IKBKB-DT: variants seen among roughly 807,000 people sequenced by gnomAD.
The protein encoded by IKBKB-DT is IKBKB antisense RNA.
intron 1 of IKBKB-DT, among the ~76,000 whole-genome samples, chr8:42,267,172 T>C (rs1807384192): frequency 6.6e-6 from 1 of 151,768 alleles, no homozygotes; most frequent in Non-Finnish European, 1.5e-5. Flanking sequence ...GCCTGGCTAA[T>C]TTTTTGTATT....
Position 42,241,224 on chromosome 8 carries a change from C to CTTTTTTTTTTTTTT in IKBKB-DT, n.1530-7379_1530-7366dup, listed in dbSNP as rs773177896. Among the ~76,000 whole-genome samples the CTTTTTTTTTTTTTT allele has an allele frequency of 1.1e-3, 48 of 45,694 alleles. 17 individuals are homozygous for CTTTTTTTTTTTTTT. Among genetic ancestry groups the CTTTTTTTTTTTTTT allele is most frequent in the East Asian group, 3.0e-3 (2 of 674 alleles). The allele number at this position is 45,694 out of a possible 152,430, so 30.0% of individuals were successfully genotyped here. On this transcript the variant is annotated intron_variant and non_coding_transcript_variant, in intron 3 of 3. Coordinates refer to ENST00000518213, the Ensembl canonical transcript of IKBKB-DT. ...TTGATGCCTTTAGATATGTTGGAAT[C>CTTTTTTTTTTTTTT]TTTTTTTTTTTTTTTTTTTTTTTTT...
exon 3 of IKBKB-DT, chr8:42,263,379 A>G (rs1807317236): frequency 6.6e-6 from 1 of 152,230 alleles, no homozygotes; most frequent in Non-Finnish European, 1.5e-5. Flanking sequence ...TAGAGCAGGC[A>G]GGGTGTCCCA....
chr8:42,246,787 C>G (rs1318322716), intron 3 of IKBKB-DT, among the ~76,000 whole-genome samples: 1 of 152,172 alleles, frequency 6.6e-6, no homozygotes, highest in African/African-American at 2.4e-5. Flanking sequence ...AGTCCCTAAA[C>G]TTTTCGGCAC....
intron 3 of IKBKB-DT, among the ~76,000 whole-genome samples, chr8:42,243,091 A>G (rs1055526826): frequency 5.9e-5 from 9 of 152,118 alleles, no homozygotes; most frequent in African/African-American, 2.2e-4. Flanking sequence ...GGAGGTGAGC[A>G]GGTTGGGGGT....
At chr8:42,255,890 G>T (rs1807192832) in intron 3 of IKBKB-DT, among the ~76,000 whole-genome samples, 1 of 151,940 alleles carries the variant, frequency 6.6e-6, no homozygotes, top group Admixed American at 6.6e-5. Flanking sequence ...GTCAGGAGTG[G>T]TGGCGGGCAC....
chr8:42,236,524 G>A (rs1038608254), intron 3 of IKBKB-DT, among the ~76,000 whole-genome samples: 4 of 152,192 alleles, frequency 2.6e-5, no homozygotes, highest in Non-Finnish European at 5.9e-5. Flanking sequence ...CTTGCACTTT[G>A]GAAGGCCGAG....
intron 3 of IKBKB-DT, among the ~76,000 whole-genome samples, chr8:42,241,881 G>C (rs1807008830): frequency 6.6e-6 from 1 of 152,136 alleles, no homozygotes; most frequent in Non-Finnish European, 1.5e-5. Flanking sequence ...TAATATTAGA[G>C]GAGAGAGGTC....
At chr8:42,260,021 G>A (rs974687370) in intron 3 of IKBKB-DT, among the ~76,000 whole-genome samples, 3 of 151,382 alleles carry the variant, frequency 2.0e-5, no homozygotes, top group East Asian at 3.9e-4. Context: ...AGAAAAGAGA[G>A]AGAGAGAGAG....
chr8:42,241,224 CTTTTTTTTTTTTTTTTTTTTTTTT>C (rs773177896), intron 3 of IKBKB-DT, among the ~76,000 whole-genome samples: 13 of 45,694 alleles, frequency 2.8e-4, no homozygotes, highest in East Asian at 3.0e-3. Flanking sequence ...ATGTTGGAAT[CTTTTTTTTTTTTTTTTTTTTTTTT>C]TTTTTTTTTT....
chr8:42,238,415 C>G (rs1806952372), intron 3 of IKBKB-DT, among the ~76,000 whole-genome samples: 1 of 152,104 alleles, frequency 6.6e-6, no homozygotes, highest in Non-Finnish European at 1.5e-5. Context: ...TGATAATAGC[C>G]CCTCCATAAA....
chr8:42,258,182 CTAGTT>C (rs1807232674), intron 3 of IKBKB-DT, among the ~76,000 whole-genome samples: 4 of 152,108 alleles, frequency 2.6e-5, no homozygotes. Context: ...AGATGAAACT[CTAGTT>C]TTAGATTGTA....
intron 3 of IKBKB-DT, among the ~76,000 whole-genome samples, chr8:42,258,245 C>T (rs993717725): frequency 9.9e-5 from 15 of 152,074 alleles, no homozygotes; most frequent in African/African-American, 3.6e-4. Flanking sequence ...TAAATTGATT[C>T]AATTTTAGCC....
At chr8:42,237,551 C>T (rs1025021165) in intron 3 of IKBKB-DT, among the ~76,000 whole-genome samples, 7 of 152,076 alleles carry the variant, frequency 4.6e-5, no homozygotes, top group Admixed American at 3.9e-4. Flanking sequence ...GGGGCCCTTT[C>T]AGTTGATGTG....
chr8:42,260,264 C>T (rs1453927211), intron 3 of IKBKB-DT, among the ~76,000 whole-genome samples: 1 of 152,148 alleles, frequency 6.6e-6, no homozygotes, highest in Non-Finnish European at 1.5e-5. Flanking sequence ...ATAGGAGCTG[C>T]AGGATCAGCT....
intron 3 of IKBKB-DT, among the ~76,000 whole-genome samples, chr8:42,246,363 A>C (rs1052752163): frequency 6.6e-6 from 1 of 152,232 alleles, no homozygotes; most frequent in Non-Finnish European, 1.5e-5. Flanking sequence ...TAAGTAAAAA[A>C]AAATTGCAGA....
chr8:42,252,131 G>T (rs1807137451), intron 3 of IKBKB-DT, among the ~76,000 whole-genome samples: 1 of 152,250 alleles, frequency 6.6e-6, no homozygotes. Context: ...TGCAGTAAAA[G>T]AGCAGGTGAC....
intron 3 of IKBKB-DT, among the ~76,000 whole-genome samples, chr8:42,246,486 A>C (rs933691245): frequency 2.0e-5 from 3 of 152,202 alleles, no homozygotes; most frequent in Admixed American, 6.5e-5. Context: ...TAAAAATATC[A>C]AAATGGGAAA....
intron 3 of IKBKB-DT, among the ~76,000 whole-genome samples, chr8:42,240,624 CAAAAAAAAA>C (rs1208809199): frequency 1.1e-4 from 3 of 26,396 alleles, no homozygotes; most frequent in African/African-American, 5.3e-4. Flanking sequence ...GACTCAGTCT[CAAAAAAAAA>C]AAAAAAAAAA....
At chr8:42,262,458 A>ATTTATTTATTTATTT (rs1554503755) in intron 3 of IKBKB-DT, among the ~76,000 whole-genome samples, 1 of 151,678 alleles carries the variant, frequency 6.6e-6, no homozygotes, top group Non-Finnish European at 1.5e-5. Context: ...TTATTTATTT[A>ATTTATTTATTTATTT]AGACAGAGTC....
Sources: gnomAD v4.1 joint callset for allele counts (sites outside exome capture counted in the v4.1 genomes callset) on GRCh38, gnomAD v4.1.1 for gene constraint, MANE v1.5 for transcripts, NCBI Gene and HGNC (gene_info 2026-07-23, HGNC 2026-07-21) for gene names.